Variants in GRM8 observed in about 807,000 individuals in gnomAD.
The protein encoded by GRM8 is metabotropic glutamate receptor 8.
Under a neutral mutation model 87.2 loss-of-function variants are expected in GRM8, and 47 were observed. The observed-to-expected ratio is 0.54, with a 90% CI of 0.43 to 0.69. The LOEUF (loss-of-function observed/expected upper bound fraction) is 0.69. Among genes scored for constraint, GRM8 ranks in the 30% least tolerant of loss-of-function variants. The pLI is 0.00. For missense variants in GRM8, 1,019 were observed against 1,139.2 expected (o/e 0.89, Z 1.52); for synonymous variants, 396 against 404.5 (o/e 0.98, Z 0.25).
chr7:127,238,790 C>G (rs1798129013), intron 2 of GRM8, among the ~76,000 whole-genome samples: 2 of 152,180 alleles, frequency 1.3e-5, no homozygotes, highest in Admixed American at 1.3e-4. Context: ...CACCACTTCC[C>G]TCTAGGTCAG....
chr7:126,643,554 A>G (rs1802713354), intron 7 of GRM8, among the ~76,000 whole-genome samples: 1 of 151,912 alleles, frequency 6.6e-6, no homozygotes, highest in Admixed American at 6.6e-5. Context: ...ATGCATGCGA[A>G]AGGATAATTA....
intron 7 of GRM8, among the ~76,000 whole-genome samples, chr7:126,688,399 C>T (rs1483571020): frequency 6.6e-6 from 1 of 152,056 alleles, no homozygotes; most frequent in Non-Finnish European, 1.5e-5. Context: ...GTACTCTTGA[C>T]TAGAGAAATT....
intron 7 of GRM8, among the ~76,000 whole-genome samples, chr7:126,676,856 A>G (rs1367980365): frequency 1.3e-5 from 2 of 152,214 alleles, no homozygotes; most frequent in Admixed American, 6.5e-5. Flanking sequence ...AATGCAATAA[A>G]AAGAAATAAA....
At chr7:127,091,213 T>C (rs1368154006) in intron 3 of GRM8, among the ~76,000 whole-genome samples, 2 of 152,068 alleles carry the variant, frequency 1.3e-5, no homozygotes, top group Non-Finnish European at 2.9e-5. Context: ...CACTGGAATG[T>C]GGCCCCCTTA....
At chr7:126,649,095 T>C (rs1409902763) in intron 7 of GRM8, among the ~76,000 whole-genome samples, 3 of 152,252 alleles carry the variant, frequency 2.0e-5, no homozygotes, top group Non-Finnish European at 2.9e-5. Flanking sequence ...ATGTGAATTA[T>C]CTATTATAAA....
chr7:127,016,009 G>GT (rs1306199088), intron 3 of GRM8, among the ~76,000 whole-genome samples: 2 of 151,988 alleles, frequency 1.3e-5, no homozygotes, highest in African/African-American at 4.8e-5. Context: ...CTTATTCACT[G>GT]TTTTTGCCAT....
chr7:126,798,508 C>T (rs1023049237), intron 6 of GRM8, among the ~76,000 whole-genome samples: 2 of 152,134 alleles, frequency 1.3e-5, no homozygotes, highest in East Asian at 3.8e-4. Flanking sequence ...ATCATCAGCA[C>T]ATATCTGAGA....
At chr7:127,103,419 C>A (rs1825517257) in intron 3 of GRM8, among the ~76,000 whole-genome samples, 1 of 152,160 alleles carries the variant, frequency 6.6e-6, no homozygotes, top group Non-Finnish European at 1.5e-5. Context: ...CACCTCCTCC[C>A]CTTGCTCCTG....
chr7:126,629,743 A>C (rs1801067401), intron 7 of GRM8, among the ~76,000 whole-genome samples: 2 of 152,192 alleles, frequency 1.3e-5, no homozygotes, highest in African/African-American at 4.8e-5. Flanking sequence ...ATATTAGGCC[A>C]CTGTGATAGA....
intron 3 of GRM8, among the ~76,000 whole-genome samples, chr7:126,950,513 C>T (rs892286260): frequency 3.3e-5 from 5 of 152,012 alleles, no homozygotes; most frequent in South Asian, 4.2e-4. Flanking sequence ...CTCTCAGTAT[C>T]GCTTTGAAAT....
intron 6 of GRM8, among the ~76,000 whole-genome samples, chr7:126,830,944 C>T (rs1795303764): frequency 6.6e-6 from 1 of 152,316 alleles, no homozygotes; most frequent in South Asian, 2.1e-4. Context: ...AGCTGCAGGT[C>T]TATTGGAGTT....
intron 3 of GRM8, among the ~76,000 whole-genome samples, chr7:126,934,998 G>A (rs1806153452): frequency 6.6e-6 from 1 of 152,160 alleles, no homozygotes; most frequent in Admixed American, 6.5e-5. Context: ...GCTGTAGAAT[G>A]CAAATCTTGT....
At chr7:126,806,447 G>C (rs531577231) in intron 6 of GRM8, among the ~76,000 whole-genome samples, 8 of 152,374 alleles carry the variant, frequency 5.3e-5, no homozygotes, top group African/African-American at 1.9e-4. Flanking sequence ...GAGGACCCGA[G>C]TGCATTGTGG....
chr7:126,905,467 G>A (rs1418856895), intron 3 of GRM8, among the ~76,000 whole-genome samples: 2 of 152,196 alleles, frequency 1.3e-5, no homozygotes, highest in Non-Finnish European at 2.9e-5. Flanking sequence ...ATAACATTCT[G>A]AAACTAGATG....
intron 8 of GRM8, among the ~76,000 whole-genome samples, chr7:126,607,655 A>G (rs1313779510): frequency 6.6e-6 from 1 of 152,120 alleles, no homozygotes; most frequent in African/African-American, 2.4e-5. Flanking sequence ...TATTTGAAGC[A>G]TTTTAAAAAC....
chr7:126,719,749 G>A (rs560409536), intron 7 of GRM8, among the ~76,000 whole-genome samples: 2 of 151,146 alleles, frequency 1.3e-5, no homozygotes, highest in South Asian at 4.2e-4. Flanking sequence ...GGCCTCCAGG[G>A]AGCTGGGAAA....
At chr7:126,665,392 C>G (rs989469292) in intron 7 of GRM8, among the ~76,000 whole-genome samples, 1 of 152,112 alleles carries the variant, frequency 6.6e-6, no homozygotes, top group Non-Finnish European at 1.5e-5. Flanking sequence ...AAACCTAATA[C>G]GTATTCACCA....
intron 1 of GRM8, among the ~76,000 whole-genome samples, chr7:127,245,342 G>T (rs1048634211): frequency 6.6e-6 from 1 of 152,224 alleles, no homozygotes; most frequent in Admixed American, 6.5e-5. Flanking sequence ...CAGACTAAAT[G>T]AATAAATAAG....
intron 3 of GRM8, among the ~76,000 whole-genome samples, chr7:126,938,369 C>T (rs942856330): frequency 8.5e-5 from 13 of 152,274 alleles, no homozygotes; most frequent in Middle Eastern, 6.8e-3. Flanking sequence ...TCCTAAACAA[C>T]ATCTATGTTG....
Sources: allele counts gnomAD v4.1 joint callset (sites outside exome capture counted in the v4.1 genomes callset), GRCh38; gene constraint gnomAD v4.1.1; transcripts MANE v1.5; gene names NCBI Gene and HGNC (gene_info 2026-07-23, HGNC 2026-07-21).